UTP6: variants seen among roughly 807,000 people sequenced by gnomAD.
UTP6 encodes UTP6 small subunit processome component, also known as U3 small nucleolar RNA-associated protein 6 homolog.
A neutral mutation model predicts 96.5 loss-of-function variants in UTP6; 60 were observed. The ratio of observed to expected loss-of-function variants is 0.62; its 90% CI spans 0.51 to 0.77. UTP6 has a LOEUF of 0.77. Ranked by LOEUF, UTP6 falls within the 30% of genes least tolerant of loss-of-function variation. The pLI is 0.00. For synonymous variants in UTP6, 215 were observed against 240.1 expected (o/e 0.90, Z 0.96); for missense variants, 637 against 706.5 (o/e 0.90, Z 1.12).
intron 17 of UTP6, among the ~76,000 whole-genome samples, chr17:31,865,642 T>C (rs939233273): frequency 1.3e-5 from 2 of 152,196 alleles, no homozygotes; most frequent in Admixed American, 6.6e-5. Context: ...TAAAAGCACT[T>C]TGCTGTAGTA....
In UTP6 at chr17:31,873,673, C is replaced by G; in HGVS notation, c.1386G>C (p.Lys462Asn). Residue 462 changes from lysine to asparagine, a missense_variant and splice_region_variant, in exon 15 of 19, where the codon AAG (lysine) becomes AAC (asparagine). Lys to Asn is a moderately conservative substitution (Grantham distance 94, BLOSUM62 0). Coordinates refer to ENST00000261708, the MANE Select transcript of UTP6 (RefSeq NM_018428.3). ...AAGACTTGGAACACGGAGCCTATAC[C>G]TTAAAGACTGCCTCAGTGTCTTCTT... Reference protein sequence around the residue: ...KSQEDTEAVFKKALLAVIGAD... With the variant: ...KSQEDTEAVFNKALLAVIGAD... 6.2e-7 allele frequency: 1 copy of G among 1,613,744 alleles called. No homozygotes were observed. Among genetic ancestry groups the G allele is most frequent in the African/African-American group, 1.3e-5 (1 of 74,990 alleles).
chr17:31,868,988 A>G (rs1461077834), intron 16 of UTP6, among the ~76,000 whole-genome samples: 9 of 152,036 alleles, frequency 5.9e-5, no homozygotes, highest in South Asian at 2.1e-4. Context: ...GTGGGCACCT[A>G]TAATCCCATC....
At position 31,873,411 on chromosome 17, in the gene UTP6, C is replaced by G; in HGVS notation, c.1463G>C (p.Gly488Ala). ...NKYLDWAYRS[G>A]GYKKARAVFK... ...CACAGCTCTGGCCTTTTTGTAGCCA[C>G]CACTTCGATAAGCCCAATCCAGGTA... Residue 488 changes from glycine to alanine, a missense_variant, in exon 16 of 19, where the codon GGT (glycine) becomes GCT (alanine). Gly to Ala is a moderately conservative substitution (Grantham distance 60). Coordinates refer to ENST00000261708, the MANE Select transcript of UTP6 (RefSeq NM_018428.3). The G allele has an allele frequency of 1.9e-6, 3 of 1,614,158 alleles. No homozygotes were observed. Among genetic ancestry groups the G allele is most frequent in the Non-Finnish European group, 2.5e-6 (3 of 1,180,044 alleles).
chr17:31,891,578 T>C (rs1911496176), intron 6 of UTP6, among the ~76,000 whole-genome samples: 2 of 152,222 alleles, frequency 1.3e-5, no homozygotes, highest in African/African-American at 4.8e-5. Context: ...ATATTTCTCT[T>C]ACAAAACATG....
At chr17:31,890,567 G>A (rs1911429788) in intron 6 of UTP6, among the ~76,000 whole-genome samples, 2 of 151,734 alleles carry the variant, frequency 1.3e-5, no homozygotes, top group African/African-American at 4.8e-5. Context: ...GCAGTGAGCT[G>A]AGATCACACG....
intron 10 of UTP6, 50 bp downstream of exon 10, chr17:31,884,374 A>G (rs775873363): frequency 2.8e-6 from 4 of 1,430,944 alleles, no homozygotes; most frequent in Admixed American, 2.1e-5. Flanking sequence ...CAAACCCTTA[A>G]TCTCAAGATC....
chr17:31,894,821 T>C, intron 3 of UTP6, 84 bp from the exon 4 acceptor site: 1 of 1,332,088 alleles, frequency 7.5e-7, no homozygotes, highest in Non-Finnish European at 1.1e-6. Context: ...TTAATGGTAC[T>C]GATGAAGCAA....
chr17:31,884,617 GAAAT>G, intron 9 of UTP6, 112 bp from the exon 10 acceptor site: 1 of 825,666 alleles, frequency 1.2e-6, no homozygotes, highest in Non-Finnish European at 1.9e-6. Context: ...TTTGAAATGA[GAAAT>G]AGAATAAAAT....
intron 7 of UTP6, among the ~76,000 whole-genome samples, chr17:31,888,560 T>C (rs781477913): frequency 9.2e-5 from 14 of 151,994 alleles, no homozygotes; most frequent in Non-Finnish European, 1.6e-4. Context: ...AATACAAAAA[T>C]TAGCCGGACG....
intron 18 of UTP6, among the ~76,000 whole-genome samples, chr17:31,863,723 G>A (rs1186888073): frequency 1.3e-5 from 2 of 152,074 alleles, no homozygotes; most frequent in Non-Finnish European, 2.9e-5. Context: ...TCTTTTTTGA[G>A]ACAGGGTCTC....
intron 16 of UTP6, chr17:31,873,110 C>A: frequency 3.2e-6 from 1 of 311,660 alleles, no homozygotes; most frequent in Non-Finnish European, 6.0e-6. Context: ...AAAAATTAGC[C>A]AGGCGTGGTG....
chr17:31,881,069 G>T (rs182472967), intron 10 of UTP6, among the ~76,000 whole-genome samples: 54 of 152,030 alleles, frequency 3.6e-4, no homozygotes, highest in African/African-American at 1.2e-3. Flanking sequence ...CCAGCTACTA[G>T]AGAGGCTGAG....
At chr17:31,863,976 C>T (rs528291150) in intron 18 of UTP6, among the ~76,000 whole-genome samples, 2 of 152,298 alleles carry the variant, frequency 1.3e-5, no homozygotes, top group Admixed American at 6.5e-5. Context: ...GCTGGGATTA[C>T]AGGCGTGAGC....
chr17:31,896,996 A>C (rs1355323636), intron 2 of UTP6, among the ~76,000 whole-genome samples: 1 of 151,986 alleles, frequency 6.6e-6, no homozygotes, highest in Non-Finnish European at 1.5e-5. Context: ...AGCTTTAAGA[A>C]ATCTTTTGGC....
intron 10 of UTP6, among the ~76,000 whole-genome samples, chr17:31,882,840 C>T (rs1422635794): frequency 6.6e-6 from 1 of 151,914 alleles, no homozygotes; most frequent in Non-Finnish European, 1.5e-5. Context: ...GGCTGGGGTG[C>T]AGTGATGCAA....
chr17:31,884,601 T>C, intron 9 of UTP6, 96 bp from the exon 10 acceptor site: 3 of 956,604 alleles, frequency 3.1e-6, no homozygotes, highest in Non-Finnish European at 4.6e-6. Flanking sequence ...GTTAATCTTC[T>C]TGTTTTTTGA....
intron 1 of UTP6, 100 bp from the exon 2 acceptor site, chr17:31,899,830 T>A (rs534171880): frequency 1.5e-5 from 13 of 843,028 alleles, no homozygotes; most frequent in Non-Finnish European, 1.7e-6. Flanking sequence ...AAATACGAAA[T>A]TCCTAGAGTT....
chr17:31,892,461 A>C, intron 5 of UTP6, 138 bp from the exon 6 acceptor site: 1 of 925,430 alleles, frequency 1.1e-6, no homozygotes, highest in Non-Finnish European at 1.6e-6. Flanking sequence ...ATATAAACGA[A>C]CACAGACCCT....
At chr17:31,882,223 G>A (rs1910886605) in intron 10 of UTP6, among the ~76,000 whole-genome samples, 1 of 151,652 alleles carries the variant, frequency 6.6e-6, no homozygotes, top group African/African-American at 2.4e-5. Flanking sequence ...TAGAGGCGGG[G>A]TTTCACCATG....
Sources: allele counts gnomAD v4.1 joint callset (sites outside exome capture counted in the v4.1 genomes callset), GRCh38; gene constraint gnomAD v4.1.1; transcripts MANE v1.5; gene names NCBI Gene and HGNC (gene_info 2026-07-23, HGNC 2026-07-21).